The following AP1G1 variants were observed in gnomAD, a reference collection of about 807,000 sequenced individuals.
AP1G1 encodes the protein adaptor related protein complex 1 subunit gamma 1, also known as AP-1 complex subunit gamma-1.
Under a neutral mutation model 108.3 loss-of-function variants are expected in AP1G1, and 7 were observed. That is an observed-to-expected ratio of 0.06 (90% CI 0.04 to 0.12). The LOEUF is 0.12. AP1G1 is among the 10% of genes least tolerant of loss of function. The pLI, the probability that AP1G1 is intolerant of heterozygous loss-of-function variation, is 1.00. For missense variants in AP1G1, 756 were observed against 1,010.7 expected, an observed-to-expected ratio of 0.75 and a Z score of 3.42; for synonymous variants, 379 against 353.5, an observed-to-expected ratio of 1.07 and a Z score of -0.81.
At chr16:71,785,645 G>T (rs2032175469) in intron 2 of AP1G1, among the ~76,000 whole-genome samples, 1 of 151,288 alleles carries the variant, frequency 6.6e-6, no homozygotes, top group Non-Finnish European at 1.5e-5. Flanking sequence ...AGCACTTTGG[G>T]AGGCCGAGGC....
chr16:71,794,835 C>CTTTTTTTT (rs55761928), intron 1 of AP1G1, among the ~76,000 whole-genome samples: 502 of 39,660 alleles, frequency 0.013, 64 homozygotes, highest in South Asian at 0.022. Context: ...ATGAGAAGTG[C>CTTTTTTTT]TTTTTTTTTT....
intron 21 of AP1G1, among the ~76,000 whole-genome samples, chr16:71,737,086 T>G (rs2045559832): frequency 6.6e-6 from 1 of 152,162 alleles, no homozygotes. Flanking sequence ...AAACAGTGCC[T>G]GATTCAAAAA....
intron 6 of AP1G1, among the ~76,000 whole-genome samples, chr16:71,766,943 A>C (rs2145475654): frequency 1.3e-5 from 2 of 152,378 alleles, no homozygotes; most frequent in East Asian, 3.9e-4. Flanking sequence ...AACTATGGGC[A>C]AAGTTATATT....
At chr16:71,736,116 AAAT>A (rs2045534672) in intron 21 of AP1G1, among the ~76,000 whole-genome samples, 1 of 65,610 alleles carries the variant, frequency 1.5e-5, no homozygotes, top group Non-Finnish European at 2.9e-5. Context: ...AAAAAAAAAA[AAAT>A]ATATATATAT....
chr16:71,774,556 T>C lies in AP1G1; in HGVS notation c.238A>G (p.Thr80Ala), dbSNP rs772515172. 4.4e-6 allele frequency: 7 copies of C among 1,595,088 alleles called. No individual in the cohort carries two copies. The highest frequency in any genetic ancestry group is 1.1e-5 in the South Asian group (1 of 87,164). ...CLKLIASQKF[T>A]DKRIGYLGAM... ...CCTAAATAGCCAATGCGTTTGTCTG[T>C]AAATTTTTGAGAGGCAATAAGCTTG... The change falls in exon 3 of 23, where the codon ACA becomes GCA. Residue 80 changes from threonine to alanine, a missense_variant. Physicochemically the swap from Thr to Ala is moderately conservative, Grantham distance 58. This residue lies in a region of AP1G1 where 304 missense variants were observed against 483.6 expected (regional missense o/e 0.63). Coordinates refer to ENST00000299980, the MANE Select transcript of AP1G1 (RefSeq NM_001128.6).
chr16:71,807,691 A>T, intron 1 of AP1G1: 1 of 687,286 alleles, frequency 1.5e-6, no homozygotes, highest in Non-Finnish European at 2.2e-6. Context: ...TCAGTCAGCA[A>T]AGATCATTAC....
At chr16:71,739,955 C>T (rs905985315) in intron 19 of AP1G1, among the ~76,000 whole-genome samples, 1 of 152,086 alleles carries the variant, frequency 6.6e-6, no homozygotes, top group Admixed American at 6.5e-5. Context: ...CAAACAGATG[C>T]TCAATTTTAC....
At chr16:71,792,917 C>T (rs1442142456) in intron 1 of AP1G1, among the ~76,000 whole-genome samples, 2 of 151,974 alleles carry the variant, frequency 1.3e-5, no homozygotes, top group Non-Finnish European at 2.9e-5. Flanking sequence ...CCTGCAATCA[C>T]AGCACTTTGG....
Position 71,729,794 on chromosome 16 carries a change from T to C in AP1G1, c.*3264A>G, listed in dbSNP as rs1165169265. On this transcript the variant is annotated 3_prime_UTR_variant, in exon 23 of 23. Transcript: ENST00000299980. ...TCATGAACACCCACTTTTTCCTCTC[T>C]AGTTTTCTCAGTTTAGGACACTGTG... 1 of 152,664 alleles carries C rather than the reference T, an allele frequency of 6.6e-6. No homozygotes were observed. Among genetic ancestry groups the C allele is most frequent in the Non-Finnish European group, 1.5e-5 (1 of 68,042 alleles). 9.5% of individuals were successfully genotyped at this position (152,664 alleles called of 1,614,324 possible). A position where few individuals can be genotyped will look rare whatever the true frequency, so the allele number is the denominator to read the frequency against.
chr16:71,776,711 G>T (rs769615357), intron 2 of AP1G1, among the ~76,000 whole-genome samples: 1 of 152,066 alleles, frequency 6.6e-6, no homozygotes, highest in Non-Finnish European at 1.5e-5. Context: ...ATTTTATTAG[G>T]AATAGGACAT....
intron 2 of AP1G1, among the ~76,000 whole-genome samples, chr16:71,784,856 TCCTACC>T (rs1309404960): frequency 6.6e-6 from 1 of 151,046 alleles, no homozygotes; most frequent in Non-Finnish European, 1.5e-5. Flanking sequence ...ACCGTGTCCA[TCCTACC>T]CCTTAAGTTT....
chr16:71,805,789 C>G (rs930441064), intron 1 of AP1G1, among the ~76,000 whole-genome samples: 7 of 152,098 alleles, frequency 4.6e-5, no homozygotes, highest in African/African-American at 1.7e-4. Flanking sequence ...AATCTCAGCA[C>G]TTTGCGAGGC....
At chr16:71,774,143 C>T (rs1435691293) in intron 3 of AP1G1, among the ~76,000 whole-genome samples, 2 of 149,698 alleles carry the variant, frequency 1.3e-5, no homozygotes, top group Non-Finnish European at 3.0e-5. Flanking sequence ...TTTGGGAAGC[C>T]GAGGTGCATG....
At position 71,744,722 on chromosome 16, in the gene AP1G1, T is replaced by C. The variant is rs553037398; in HGVS notation, c.1999+422A>G. The stretch of plus-strand genomic sequence containing the variant: ...TCCGGAGTAGCTGGGATTATAGGCA[T>C]GCACCACTTCACCCGGCTAATTGTT... On this transcript the variant is annotated intron_variant, in intron 19 of 22. Transcript: ENST00000299980. Among the ~76,000 whole-genome samples, 3 of 151,990 alleles carry C rather than the reference T, an allele frequency of 2.0e-5. No individual in the cohort carries two copies. In the South Asian group the frequency reaches 6.3e-4, roughly 32 times the overall value.
chr16:71,794,909 G>T (rs2032533549), intron 1 of AP1G1, among the ~76,000 whole-genome samples: 1 of 131,484 alleles, frequency 7.6e-6, no homozygotes. Context: ...GCTCCCTAAG[G>T]CTAGATCTTC....
intron 10 of AP1G1, among the ~76,000 whole-genome samples, chr16:71,760,073 G>A (rs1439526384): frequency 6.6e-6 from 1 of 152,042 alleles, no homozygotes; most frequent in Non-Finnish European, 1.5e-5. Context: ...CCCCCACTAT[G>A]TTGCCCAGGC....
intron 10 of AP1G1, among the ~76,000 whole-genome samples, chr16:71,760,409 G>A (rs1048364892): frequency 6.6e-6 from 1 of 151,982 alleles, no homozygotes; most frequent in African/African-American, 2.4e-5. Context: ...GCTGGGCGTG[G>A]TGGCGTTCGC....
rs1597029102 is a variant in AP1G1, at chr16:71,734,537, C to T, written c.2367+72G>A. 3.9e-6 allele frequency: 5 copies of T among 1,296,434 alleles called. No homozygotes were observed. In the East Asian group the frequency reaches 1.2e-4, roughly 30 times the overall value. The allele number at this position is 1,296,434 out of a possible 1,614,324, so 80.3% of individuals were successfully genotyped here. On this transcript the variant is annotated intron_variant, in intron 22 of 22. Coordinates refer to ENST00000299980, the MANE Select transcript of AP1G1 (RefSeq NM_001128.6). ...TATGAGTCAGAAAAACCTAAAGAAA[C>T]AAAGCAGAATTTTATTTCGGGAAAT...
At chr16:71,757,138 T>C (rs995939160) in intron 11 of AP1G1, among the ~76,000 whole-genome samples, 6 of 152,160 alleles carry the variant, frequency 3.9e-5, no homozygotes, top group Non-Finnish European at 8.8e-5. Flanking sequence ...AAACACTATA[T>C]GTACACTGAC....
Sources: gnomAD v4.1 joint callset for allele counts (sites outside exome capture counted in the v4.1 genomes callset) on GRCh38, gnomAD v4.1.1 for gene constraint, gnomAD v4.1.1 regional missense constraint, MANE v1.5 for transcripts, NCBI Gene and HGNC (gene_info 2026-07-23, HGNC 2026-07-21) for gene names.